The following ARHGAP10 variants were observed in gnomAD, a reference collection of about 807,000 sequenced individuals.
The protein encoded by ARHGAP10 is rho GTPase-activating protein 10.
ARHGAP10 carries 87 observed loss-of-function variants against 108.6 expected under a neutral mutation model. The observed-to-expected ratio is 0.80, with a 90% CI of 0.67 to 0.96. The LOEUF (loss-of-function observed/expected upper bound fraction) is 0.96, where lower values mean the gene tolerates loss of function less well. ARHGAP10 is among the 40% of genes least tolerant of loss of function. The pLI is 0.00. For synonymous variants in ARHGAP10, 347 were observed against 341.1 expected, an observed-to-expected ratio of 1.02 and a Z score of -0.19; for missense variants, 939 against 954.5, an observed-to-expected ratio of 0.98 and a Z score of 0.21.
intron 12 of ARHGAP10, among the ~76,000 whole-genome samples, chr4:147,911,644 G>A (rs199796619): frequency 6.1e-3 from 14 of 2,282 alleles, no homozygotes; most frequent in Non-Finnish European, 0.023. Context: ...TTACAGGCGT[G>A]AGCCACCGCG....
intron 15 of ARHGAP10, among the ~76,000 whole-genome samples, chr4:147,950,504 C>T (rs899417429): frequency 6.6e-6 from 1 of 152,182 alleles, no homozygotes. Flanking sequence ...CAAAAAAGCT[C>T]TTGCCCTTGA....
intron 18 of ARHGAP10, among the ~76,000 whole-genome samples, chr4:147,988,303 G>A (rs1740119126): frequency 6.6e-6 from 1 of 152,170 alleles, no homozygotes; most frequent in South Asian, 2.1e-4. Context: ...TCAGCCCACA[G>A]TTTAAACCAG....
At chr4:147,866,630 G>T in intron 6 of ARHGAP10, 82 bp from the exon 7 acceptor site, 1 of 957,022 alleles carries the variant, frequency 1.0e-6, no homozygotes, top group East Asian at 2.5e-5. Flanking sequence ...GAGATGGCGG[G>T]GGGAACACTT....
intron 3 of ARHGAP10, among the ~76,000 whole-genome samples, chr4:147,839,150 G>A (rs559106225): frequency 1.5e-4 from 22 of 149,716 alleles, no homozygotes; most frequent in South Asian, 1.0e-3. Context: ...CTATCTGTCT[G>A]TCTGTCTATG....
intron 16 of ARHGAP10, among the ~76,000 whole-genome samples, chr4:147,964,377 G>T (rs965205785): frequency 6.6e-6 from 1 of 152,124 alleles, no homozygotes; most frequent in Non-Finnish European, 1.5e-5. Context: ...CGCATTCCCC[G>T]TTCTTCCTCT....
intron 18 of ARHGAP10, among the ~76,000 whole-genome samples, chr4:147,993,075 T>C (rs1464161573): frequency 6.6e-6 from 1 of 152,254 alleles, no homozygotes; most frequent in African/African-American, 2.4e-5. Flanking sequence ...TAATTCATAA[T>C]GATTTGGGAG....
intron 10 of ARHGAP10, among the ~76,000 whole-genome samples, chr4:147,898,182 T>TC (rs1553961101): frequency 2.3e-5 from 1 of 42,730 alleles, no homozygotes; most frequent in Non-Finnish European, 1.3e-4. Context: ...TAGGCTGCCT[T>TC]AGGCTGCATT....
intron 1 of ARHGAP10, among the ~76,000 whole-genome samples, chr4:147,747,721 A>G (rs1728994521): frequency 6.6e-6 from 1 of 152,218 alleles, no homozygotes; most frequent in African/African-American, 2.4e-5. Flanking sequence ...TTATTGTTAT[A>G]AAAATACTAT....
rs1729121878 is a variant in ARHGAP10 at position 148,051,253 on chromosome 4, G to T, written c.2027+4202G>T. ...ACCTGTACCCTCAGTAAGGCGATGG[G>T]TGACTTCATTGCCAGTGAAGAATTG... On this transcript the variant is annotated intron_variant, in intron 20 of 22. Transcript: ENST00000336498. Among the ~76,000 whole-genome samples, 4 of 152,322 alleles carry T rather than the reference G, an allele frequency of 2.6e-5. No homozygotes were observed. The South Asian group carries it at 8.3e-4, about 32-fold the overall frequency.
At chr4:147,760,621 C>T (rs1373264747) in intron 1 of ARHGAP10, among the ~76,000 whole-genome samples, 1 of 152,240 alleles carries the variant, frequency 6.6e-6, no homozygotes, top group East Asian at 1.9e-4. Context: ...TGGACATACA[C>T]AGAGATTCCT....
At chr4:147,811,973 G>A (rs11935450) in intron 1 of ARHGAP10, among the ~76,000 whole-genome samples, 21,761 of 152,144 alleles carry the variant, frequency 0.14, 2,364 homozygotes, top group African/African-American at 0.31. Context: ...TCAACGAGGC[G>A]GCTGAGCTGG....
At chr4:147,883,597 G>A (rs1256731492) in intron 10 of ARHGAP10, among the ~76,000 whole-genome samples, 5 of 152,280 alleles carry the variant, frequency 3.3e-5, no homozygotes, top group Non-Finnish European at 7.4e-5. Context: ...GAGCATTTGA[G>A]CAATTTCCCC....
At chr4:147,804,391 C>A (rs2126764332) in intron 1 of ARHGAP10, among the ~76,000 whole-genome samples, 1 of 152,238 alleles carries the variant, frequency 6.6e-6, no homozygotes, top group East Asian at 1.9e-4. Flanking sequence ...TTTTCTTTAT[C>A]CAGTCTACTG....
intron 1 of ARHGAP10, among the ~76,000 whole-genome samples, chr4:147,751,620 G>A (rs1465898560): frequency 6.6e-6 from 1 of 151,836 alleles, no homozygotes; most frequent in African/African-American, 2.4e-5. Flanking sequence ...CCTACCTCCG[G>A]CCCCCTAAAG....
intron 20 of ARHGAP10, among the ~76,000 whole-genome samples, chr4:148,061,096 C>CT (rs59476202): frequency 7.3e-4 from 106 of 145,902 alleles, no homozygotes; most frequent in Middle Eastern, 7.0e-3. Flanking sequence ...TGGAGGTTTC[C>CT]TTTTTTTTTT....
At chr4:147,779,179 G>A (rs1272565783) in intron 1 of ARHGAP10, among the ~76,000 whole-genome samples, 1 of 152,134 alleles carries the variant, frequency 6.6e-6, no homozygotes, top group East Asian at 1.9e-4. Flanking sequence ...TGGTTCAGGG[G>A]CTGCACGTGA....
At chr4:148,071,949 A>C in intron 22 of ARHGAP10, 44 bp from the exon 23 acceptor site, 1 of 1,561,586 alleles carries the variant, frequency 6.4e-7, no homozygotes, top group Non-Finnish European at 8.8e-7. Context: ...GGAGGCAAGT[A>C]CTTGGGGGCA....
At chr4:147,755,876 T>G (rs1729347639) in intron 1 of ARHGAP10, among the ~76,000 whole-genome samples, 1 of 152,126 alleles carries the variant, frequency 6.6e-6, no homozygotes, top group Non-Finnish European at 1.5e-5. Flanking sequence ...TGTTTTGTAT[T>G]ATTTCACATA....
chr4:147,986,152 C>T lies in ARHGAP10; in HGVS notation c.1716+19313C>T, dbSNP rs113921846. 7.6e-3 allele frequency among the ~76,000 whole-genome samples: 1,151 copies of T among 152,158 alleles called. 8 individuals carry two copies. The highest frequency in any genetic ancestry group is 0.023 in the South Asian group (112 of 4,800). On this transcript the variant is annotated intron_variant, in intron 18 of 22. Transcript: ENST00000336498. The stretch of plus-strand genomic sequence containing the variant: ...GTGACTTTTGAGGGACTTAAGTGAC[C>T]GGTTTAACCTCATTATCAGTTTCCT...
Sources: gnomAD v4.1 joint callset for allele counts (sites outside exome capture counted in the v4.1 genomes callset) on GRCh38, gnomAD v4.1.1 for gene constraint, MANE v1.5 for transcripts, NCBI Gene and HGNC (gene_info 2026-07-23, HGNC 2026-07-21) for gene names.